Variants in CAB39 observed in about 807,000 individuals in gnomAD.
CAB39 encodes the protein calcium binding protein 39, also known as calcium-binding protein 39.
In CAB39, 8 loss-of-function variants were observed where a neutral mutation model predicts 40.0. The observed-to-expected ratio is 0.20, with a 90% CI of 0.12 to 0.36. The LOEUF is 0.36. Among genes scored for constraint, CAB39 ranks in the 10% least tolerant of loss-of-function variants. The probability of loss-of-function intolerance (pLI) is 1.00; values close to 1 mark genes in which losing one functional copy is unlikely to be tolerated. For synonymous variants in CAB39, 156 were observed against 141.6 expected (o/e 1.10, Z -0.72); for missense variants, 270 against 401.1 (o/e 0.67, Z 2.79).
At chr2:230,730,632 C>T (rs1694671182) in intron 1 of CAB39, among the ~76,000 whole-genome samples, 1 of 151,932 alleles carries the variant, frequency 6.6e-6, no homozygotes, top group Non-Finnish European at 1.5e-5. Flanking sequence ...TTAGTAGAGA[C>T]AGGGTTCCAT....
intron 2 of CAB39, among the ~76,000 whole-genome samples, chr2:230,761,762 C>A (rs931484350): frequency 9.2e-5 from 14 of 152,094 alleles, no homozygotes; most frequent in African/African-American, 3.4e-4. Flanking sequence ...TCATTCTGTT[C>A]AATGTTTCTA....
intron 1 of CAB39, among the ~76,000 whole-genome samples, chr2:230,723,237 G>A (rs1344689300): frequency 1.3e-5 from 2 of 152,042 alleles, no homozygotes; most frequent in Non-Finnish European, 2.9e-5. Context: ...GCCATTGGGG[G>A]TTTAATTTTG....
At chr2:230,769,972 G>C (rs1300343683) in intron 2 of CAB39, among the ~76,000 whole-genome samples, 1 of 152,034 alleles carries the variant, frequency 6.6e-6, no homozygotes, top group East Asian at 1.9e-4. Flanking sequence ...AAAGAAAGTA[G>C]TTTGAGTGGA....
chr2:230,796,160 A>G (rs1180421764), intron 4 of CAB39, among the ~76,000 whole-genome samples: 1 of 152,190 alleles, frequency 6.6e-6, no homozygotes, highest in African/African-American at 2.4e-5. Flanking sequence ...TGTTTCTTGA[A>G]GGAGCGCTGT....
chr2:230,782,113 G>A (rs1276326549), intron 2 of CAB39, among the ~76,000 whole-genome samples: 3 of 152,116 alleles, frequency 2.0e-5, no homozygotes, highest in African/African-American at 7.2e-5. Flanking sequence ...TGGTCCGCCC[G>A]GCTCGGCCTC....
At chr2:230,789,629 C>T (rs571910376) in intron 2 of CAB39, among the ~76,000 whole-genome samples, 15 of 152,330 alleles carry the variant, frequency 9.8e-5, no homozygotes, top group Middle Eastern at 3.4e-3. Flanking sequence ...CTAGCCTTGG[C>T]TACTTTCCTT....
At chr2:230,785,652 CAG>C (rs1217038875) in intron 2 of CAB39, among the ~76,000 whole-genome samples, 1 of 152,014 alleles carries the variant, frequency 6.6e-6, no homozygotes, top group Non-Finnish European at 1.5e-5. Context: ...GGGCTTTATA[CAG>C]AGTCCACAAT....
At chr2:230,768,021 A>G (rs188343263) in intron 2 of CAB39, among the ~76,000 whole-genome samples, 2 of 152,272 alleles carry the variant, frequency 1.3e-5, no homozygotes, top group African/African-American at 2.4e-5. Context: ...GTAATGATAT[A>G]TGCTTGCTAT....
In CAB39 at chr2:230,818,659, T is replaced by C; in HGVS notation, c.981T>C (p.Val327=). The C allele has an allele frequency of 1.2e-6, 2 of 1,614,158 alleles. No individual in the cohort carries two copies. The highest frequency in any genetic ancestry group is 1.7e-6 in the Non-Finnish European group (2 of 1,180,006). The change falls in exon 9 of 9, where the codon GTT becomes GTC. Residue 327 remains valine, a synonymous_variant. Coordinates refer to ENST00000258418, the MANE Select transcript of CAB39 (RefSeq NM_016289.4). ...EQFNDEKTYL[V]KQIRDLKRPA... is the part of the protein sequence containing the mutation. ...TTAACGACGAGAAGACCTATTTAGT[T>C]AAACAGATCAGGGATTTGAAGAGAC...
At chr2:230,808,390 CTT>C (rs1282192419) in intron 5 of CAB39, among the ~76,000 whole-genome samples, 1 of 152,212 alleles carries the variant, frequency 6.6e-6, no homozygotes, top group African/African-American at 2.4e-5. Context: ...ACAGACAAAA[CTT>C]GCCCTGTGGC....
At chr2:230,767,282 C>T (rs953738699) in intron 2 of CAB39, among the ~76,000 whole-genome samples, 5 of 152,124 alleles carry the variant, frequency 3.3e-5, no homozygotes, top group Non-Finnish European at 7.4e-5. Flanking sequence ...TAAGGGTCAC[C>T]CATGACTATT....
chr2:230,773,648 G>A (rs912440964), intron 2 of CAB39, among the ~76,000 whole-genome samples: 1 of 152,168 alleles, frequency 6.6e-6, no homozygotes, highest in African/African-American at 2.4e-5. Flanking sequence ...AGGAACAGTT[G>A]AATGACCTCA....
intron 5 of CAB39, among the ~76,000 whole-genome samples, chr2:230,806,791 G>A (rs913143816): frequency 6.6e-6 from 1 of 152,152 alleles, no homozygotes; most frequent in Non-Finnish European, 1.5e-5. Flanking sequence ...TGGAAAAATT[G>A]AGTTTCTTGT....
intron 1 of CAB39, among the ~76,000 whole-genome samples, chr2:230,734,421 C>T (rs1292540881): frequency 6.6e-6 from 1 of 152,112 alleles, no homozygotes; most frequent in Non-Finnish European, 1.5e-5. Flanking sequence ...CCTAACCTCT[C>T]GGTTAGGTTG....
chr2:230,763,581 G>C (rs1180928751), intron 2 of CAB39, among the ~76,000 whole-genome samples: 1 of 150,872 alleles, frequency 6.6e-6, no homozygotes, highest in African/African-American at 2.4e-5. Flanking sequence ...TGACAAGCGA[G>C]ATTCTGTCTC....
At chr2:230,724,180 G>A (rs1352695827) in intron 1 of CAB39, among the ~76,000 whole-genome samples, 3 of 151,806 alleles carry the variant, frequency 2.0e-5, no homozygotes, top group Non-Finnish European at 4.4e-5. Flanking sequence ...CCGGGAGGTG[G>A]AGGTTGCAGC....
intron 7 of CAB39, among the ~76,000 whole-genome samples, chr2:230,816,208 G>C (rs532302090): frequency 6.6e-6 from 1 of 152,374 alleles, no homozygotes; most frequent in South Asian, 2.1e-4. Flanking sequence ...GGGAGGTGGA[G>C]GTTGCAGTGA....
At chr2:230,804,086 A>G (rs1696144195) in intron 5 of CAB39, among the ~76,000 whole-genome samples, 2 of 152,258 alleles carry the variant, frequency 1.3e-5, no homozygotes, top group Non-Finnish European at 2.9e-5. Context: ...GGCCTCAGAA[A>G]TAACACCGCA....
chr2:230,757,662 G>A (rs371237869), intron 1 of CAB39, among the ~76,000 whole-genome samples: 2 of 152,076 alleles, frequency 1.3e-5, no homozygotes, highest in Non-Finnish European at 2.9e-5. Flanking sequence ...GCATAGCACC[G>A]TAACACTTCC....
Sources: gnomAD v4.1 joint callset for allele counts (sites outside exome capture counted in the v4.1 genomes callset) on GRCh38, gnomAD v4.1.1 for gene constraint, MANE v1.5 for transcripts, NCBI Gene and HGNC (gene_info 2026-07-23, HGNC 2026-07-21) for gene names.